TMEM154: variants seen among roughly 807,000 people sequenced by gnomAD.
The protein encoded by TMEM154 is transmembrane protein 154.
Under a neutral mutation model 24.5 loss-of-function variants are expected in TMEM154, and 27 were observed. The ratio of observed to expected loss-of-function variants is 1.10; its 90% CI spans 0.81 to 1.52. TMEM154 has a LOEUF of 1.52. Among genes scored for constraint, TMEM154 ranks in the 40% most tolerant of loss-of-function variants. The pLI is 0.00. For missense variants in TMEM154, 228 were observed against 213.4 expected (o/e 1.07, Z -0.43); for synonymous variants, 67 against 76.8 (o/e 0.87, Z 0.67).
chr4:152,632,440 A>T (rs1752064560), intron 6 of TMEM154, among the ~76,000 whole-genome samples: 1 of 152,164 alleles, frequency 6.6e-6, no homozygotes, highest in African/African-American at 2.4e-5. Context: ...TCCATCTTAC[A>T]ATTTCACTTT....
Position 152,679,877 on chromosome 4 carries a change from G to A in TMEM154, c.57C>T (p.Val19=), listed in dbSNP as rs1579544903. Residue 19 remains valine (V), a synonymous_variant, in exon 1 of 7, where the codon GTC becomes GTT. Transcript: ENST00000304385. ...GAAGTGGAGGCGGCTTACCCCGGCCGACGGGAACGAGCGCGATCACCAGGG... is the reference window on the plus strand; with the variant it reads ...GAAGTGGAGGCGGCTTACCCCGGCCAACGGGAACGAGCGCGATCACCAGGG... ...VFALVIALVP[V]GRGNYEELEN... The A allele has an allele frequency of 2.5e-6, 4 of 1,609,062 alleles. No individual in the cohort carries two copies. The African/African-American group carries it at 4.0e-5, about 16-fold the overall frequency.
chr4:152,619,655 A>T lies in TMEM154; in HGVS notation c.*8891T>A, dbSNP rs13116511. The T allele has an allele frequency of 0.016, 2,463 of 152,326 alleles. 21 individuals are homozygous for T. The highest frequency in any genetic ancestry group is 0.034 in the East Asian group (178 of 5,188). The allele number at this position is 152,326 out of a possible 1,614,324, so 9.4% of individuals were successfully genotyped here. On this transcript the variant is annotated 3_prime_UTR_variant, in exon 7 of 7. Transcript: ENST00000304385. ...CTTGGAACTCAGCTGCCATGCTGTG[A>T]AGAAGCCCAAGGAGTCTATGGAGAG...
At chr4:152,653,082 A>G (rs958577924) in intron 1 of TMEM154, among the ~76,000 whole-genome samples, 155 bp from the exon 2 acceptor site, 4 of 152,228 alleles carry the variant, frequency 2.6e-5, no homozygotes, top group African/African-American at 9.7e-5. Context: ...ACATTGATTT[A>G]ACATAAATGA....
chr4:152,628,596 A>C lies in TMEM154; in HGVS notation c.537-35T>G, dbSNP rs1365254585. 96 of 1,173,998 alleles carry C rather than the reference A, an allele frequency of 8.2e-5. 2 individuals carry two copies. In the African/African-American group the frequency reaches 1.0e-3, roughly 12 times the overall value. 72.7% of individuals were successfully genotyped at this position (1,173,998 alleles called of 1,614,324 possible). On this transcript the variant is annotated intron_variant, in intron 6 of 6. Transcript: ENST00000304385. The stretch of plus-strand genomic sequence containing the variant: ...AAAAAAAAAAAAAAAAAAAAAACAA[A>C]AAAAACACACACACACACACAAAAC...
At chr4:152,659,821 C>G (rs982717974) in intron 1 of TMEM154, among the ~76,000 whole-genome samples, 1 of 152,148 alleles carries the variant, frequency 6.6e-6, no homozygotes, top group Non-Finnish European at 1.5e-5. Flanking sequence ...TTTTTCTAAA[C>G]ATACCTATGA....
At position 152,624,871 on chromosome 4, in the gene TMEM154, T is replaced by C; in HGVS notation, c.*3675A>G. 6.6e-6 allele frequency: 1 copy of C among 152,242 alleles called. No homozygotes were observed. The highest frequency in any genetic ancestry group is 1.9e-4 in the East Asian group (1 of 5,202). The allele number at this position is 152,242 out of a possible 1,614,324, so 9.4% of individuals were successfully genotyped here. ...TGTTCTGGACTGCCTGTTATAGCTA[T>C]TAAATGGAAACCCCAGAATTCATCC... On this transcript the variant is annotated 3_prime_UTR_variant, in exon 7 of 7. Coordinates refer to ENST00000304385, the MANE Select transcript of TMEM154 (RefSeq NM_152680.3).
At chr4:152,637,777 T>C (rs991678971) in intron 6 of TMEM154, among the ~76,000 whole-genome samples, 3 of 152,330 alleles carry the variant, frequency 2.0e-5, no homozygotes, top group Admixed American at 1.3e-4. Context: ...TTTCCACCTG[T>C]ATCTATAACA....
chr4:152,631,724 G>C (rs192462165), intron 6 of TMEM154, among the ~76,000 whole-genome samples: 152 of 150,580 alleles, frequency 1.0e-3, no homozygotes, highest in Middle Eastern at 7.0e-3. Flanking sequence ...AGCCACCATG[G>C]CCAGCCAGCC....
At chr4:152,629,307 C>T (rs1254475901) in intron 6 of TMEM154, among the ~76,000 whole-genome samples, 3 of 152,338 alleles carry the variant, frequency 2.0e-5, no homozygotes, top group Admixed American at 6.5e-5. Flanking sequence ...GGCATGTCTT[C>T]AATAGCCCGT....
chr4:152,676,389 A>C (rs1329701988), intron 1 of TMEM154, among the ~76,000 whole-genome samples: 1 of 152,194 alleles, frequency 6.6e-6, no homozygotes, highest in Non-Finnish European at 1.5e-5. Flanking sequence ...GGAAACCCAG[A>C]GGTAGTATGG....
intron 1 of TMEM154, among the ~76,000 whole-genome samples, chr4:152,657,453 G>T (rs943573186): frequency 1.3e-5 from 2 of 152,118 alleles, no homozygotes; most frequent in African/African-American, 4.8e-5. Context: ...GGCAGAGGTT[G>T]CAGTGAGCTG....
chr4:152,647,439 G>T (rs1241394121), intron 3 of TMEM154: 1 of 569,938 alleles, frequency 1.8e-6, no homozygotes, highest in Non-Finnish European at 2.2e-6. Flanking sequence ...TCACGTCTGT[G>T]TTAAAGCATT....
chr4:152,640,240 C>T (rs1190562046), intron 6 of TMEM154, among the ~76,000 whole-genome samples: 7 of 152,140 alleles, frequency 4.6e-5, no homozygotes, highest in Admixed American at 2.6e-4. Context: ...TTGCTGCCAA[C>T]AACTCAGTAC....
Position 152,679,902 on chromosome 4 carries a change from G to T in TMEM154, c.32C>A (p.Ala11Asp). ...GACGGGAACGAGCGCGATCACCAGG[G>T]CGAAGACTAGGGCTGCGCGGGGAGC... The part of the protein sequence containing the change: MQAPRAALVF[A>D]LVIALVPVGR... Residue 11 changes from alanine to aspartate, a missense_variant, in exon 1 of 7, where the codon GCC becomes GAC. Physicochemically the swap from Ala to Asp is moderately radical, Grantham distance 126 (BLOSUM62 -2). Coordinates refer to ENST00000304385, the MANE Select transcript of TMEM154 (RefSeq NM_152680.3). The T allele has an allele frequency of 6.2e-7, 1 of 1,611,190 alleles. No individual in the cohort carries two copies. Among genetic ancestry groups the T allele is most frequent in the Non-Finnish European group, 8.5e-7 (1 of 1,179,116 alleles).
At chr4:152,630,129 T>C (rs1313736718) in intron 6 of TMEM154, among the ~76,000 whole-genome samples, 1 of 151,502 alleles carries the variant, frequency 6.6e-6, no homozygotes, top group Admixed American at 6.6e-5. Context: ...GCCTGGGCAA[T>C]ACAGTGAGAC....
chr4:152,666,785 G>A (rs1355052388), intron 1 of TMEM154: 1 of 152,260 alleles, frequency 6.6e-6, no homozygotes, highest in Non-Finnish European at 1.5e-5. Flanking sequence ...CTGGCTATGG[G>A]AGGCTGATTG....
intron 1 of TMEM154, among the ~76,000 whole-genome samples, chr4:152,655,193 T>C (rs775548886): frequency 3.9e-5 from 6 of 152,146 alleles, no homozygotes; most frequent in Non-Finnish European, 7.4e-5. Flanking sequence ...AACAGAGTAG[T>C]AATAGACAAC....
chr4:152,640,808 G>A (rs764232605), intron 6 of TMEM154, 120 bp downstream of exon 6: 17 of 820,238 alleles, frequency 2.1e-5, no homozygotes, highest in East Asian at 8.1e-5. Flanking sequence ...ATCCAGCCGC[G>A]TAAATGATCT....
chr4:152,655,882 C>T (rs1324867753), intron 1 of TMEM154, among the ~76,000 whole-genome samples: 2 of 152,120 alleles, frequency 1.3e-5, no homozygotes, highest in African/African-American at 4.8e-5. Context: ...TTCACCCCTA[C>T]CTATTACAGC....
Sources: allele counts gnomAD v4.1 joint callset (sites outside exome capture counted in the v4.1 genomes callset), GRCh38; gene constraint gnomAD v4.1.1; transcripts MANE v1.5; gene names NCBI Gene and HGNC (gene_info 2026-07-23, HGNC 2026-07-21).